Variants in THSD7B observed in about 807,000 individuals in gnomAD.
THSD7B encodes the protein thrombospondin type 1 domain containing 7B.
In THSD7B, 138 loss-of-function variants were observed where a neutral mutation model predicts 213.6. The ratio of observed to expected loss-of-function variants is 0.65; its 90% confidence interval spans 0.56 to 0.74. The LOEUF is 0.74. Among genes scored for constraint, THSD7B ranks in the 30% least tolerant of loss-of-function variants. THSD7B has a pLI of 0.00. For missense variants in THSD7B, 1,931 were observed against 1,991.5 expected (o/e 0.97, Z 0.58); for synonymous variants, 742 against 687.0 (o/e 1.08, Z -1.25).
In THSD7B at chr2:137,625,807, G is replaced by A. The variant is rs924044911; in HGVS notation, c.3799+5081G>A. 2.6e-5 allele frequency among the ~76,000 whole-genome samples: 4 copies of A among 152,192 alleles called. No individual in the cohort carries two copies. In the East Asian group the frequency reaches 5.8e-4, roughly 22 times the overall value. ...CCAGGGATCTACTAGGCTTTGCCACGGTGGAAACTCTGTGGCAGCTCCACT... is the reference window on the plus strand; with the variant it reads ...CCAGGGATCTACTAGGCTTTGCCACAGTGGAAACTCTGTGGCAGCTCCACT... On this transcript the variant is annotated intron_variant, in intron 20 of 27. Coordinates refer to ENST00000409968, the MANE Select transcript of THSD7B (RefSeq NM_001316349.2).
intron 7 of THSD7B, among the ~76,000 whole-genome samples, chr2:137,180,634 C>A (rs570900527): frequency 1.9e-4 from 29 of 152,174 alleles, no homozygotes; most frequent in African/African-American, 6.7e-4. Context: ...TCCAAATTTA[C>A]TGATGAGAAA....
chr2:136,875,454 A>C (rs1683511972), intron 1 of THSD7B, among the ~76,000 whole-genome samples: 1 of 151,418 alleles, frequency 6.6e-6, no homozygotes, highest in Non-Finnish European at 1.5e-5. Flanking sequence ...TCCATTCTGC[A>C]CTTTCCGTCA....
intron 21 of THSD7B, among the ~76,000 whole-genome samples, chr2:137,654,478 AG>A (rs1683197202): frequency 6.6e-6 from 1 of 152,222 alleles, no homozygotes; most frequent in African/African-American, 2.4e-5. Context: ...AGGCAGGGAC[AG>A]GCCTCCTGCC....
chr2:137,488,848 C>A (rs1688535009), intron 15 of THSD7B, among the ~76,000 whole-genome samples: 1 of 152,130 alleles, frequency 6.6e-6, no homozygotes, highest in Non-Finnish European at 1.5e-5. Flanking sequence ...GTAGGATGAG[C>A]CACAGAGAGA....
At chr2:137,581,235 GT>G (rs1343901604) in intron 17 of THSD7B, among the ~76,000 whole-genome samples, 1 of 152,072 alleles carries the variant, frequency 6.6e-6, no homozygotes, top group African/African-American at 2.4e-5. Flanking sequence ...TCATTTATAA[GT>G]ATGATAAAGC....
intron 1 of THSD7B, among the ~76,000 whole-genome samples, chr2:136,821,746 G>A (rs1477195972): frequency 6.6e-6 from 1 of 152,150 alleles, no homozygotes; most frequent in East Asian, 1.9e-4. Flanking sequence ...TAGGCAATGT[G>A]TGTGCTCTGC....
chr2:137,303,641 T>C (rs1391760533), intron 12 of THSD7B, among the ~76,000 whole-genome samples: 1 of 145,094 alleles, frequency 6.9e-6, no homozygotes, highest in East Asian at 2.0e-4. Flanking sequence ...TACAGACATA[T>C]ATAAACACAC....
chr2:137,318,756 C>T (rs1450209981), intron 12 of THSD7B, among the ~76,000 whole-genome samples: 1 of 132,130 alleles, frequency 7.6e-6, no homozygotes, highest in East Asian at 2.2e-4. Flanking sequence ...TGTCCTTCAG[C>T]TTTTCCAACT....
At chr2:137,247,777 C>T (rs1031683727) in intron 10 of THSD7B, among the ~76,000 whole-genome samples, 6 of 152,052 alleles carry the variant, frequency 3.9e-5, no homozygotes, top group African/African-American at 1.4e-4. Flanking sequence ...CAAAAACAGA[C>T]AGTGATTTTT....
chr2:136,898,805 G>C (rs2105009803), intron 2 of THSD7B, among the ~76,000 whole-genome samples: 1 of 152,028 alleles, frequency 6.6e-6, no homozygotes, highest in African/African-American at 2.4e-5. Context: ...ACCATGCCCA[G>C]CTAAGTTTTG....
At chr2:137,381,140 T>A (rs547647793) in intron 12 of THSD7B, among the ~76,000 whole-genome samples, 28 of 152,224 alleles carry the variant, frequency 1.8e-4, no homozygotes, top group Non-Finnish European at 3.7e-4. Flanking sequence ...TCCCCACCGA[T>A]TCTGGGTCAG....
chr2:137,443,712 G>C (rs556298038), intron 14 of THSD7B, among the ~76,000 whole-genome samples: 1 of 152,070 alleles, frequency 6.6e-6, no homozygotes, highest in African/African-American at 2.4e-5. Flanking sequence ...AGGTGATCTT[G>C]AATAGCTCAT....
rs573408784 is a variant in THSD7B at position 136,953,108 on chromosome 2, A to G, written c.139+70791A>G. ...TGTTATTGATCCAATAAAAAGTAAC[A>G]GAATATTTAAAAATAATAGAAAAGT... On this transcript the variant is annotated intron_variant, in intron 2 of 27. Transcript: ENST00000409968. Among the ~76,000 whole-genome samples the G allele has an allele frequency of 2.6e-5, 4 of 152,340 alleles. No individual in the cohort carries two copies. In the South Asian group the frequency reaches 8.3e-4, roughly 32 times the overall value.
intron 20 of THSD7B, among the ~76,000 whole-genome samples, chr2:137,631,143 T>C (rs758762190): frequency 2.4e-4 from 37 of 152,210 alleles, no homozygotes; most frequent in Non-Finnish European, 5.0e-4. Context: ...GATTTCAAGG[T>C]CAGAACAGTT....
intron 2 of THSD7B, among the ~76,000 whole-genome samples, chr2:136,885,601 C>T (rs1683704558): frequency 6.6e-6 from 1 of 152,134 alleles, no homozygotes; most frequent in African/African-American, 2.4e-5. Context: ...CTATTCATGC[C>T]TGCCTGCTTT....
intron 15 of THSD7B, among the ~76,000 whole-genome samples, chr2:137,521,153 TGAGA>T (rs1363594608): frequency 2.0e-5 from 3 of 152,148 alleles, no homozygotes; most frequent in African/African-American, 7.2e-5. Flanking sequence ...AATTTTTGGG[TGAGA>T]AAGAGCTGAT....
chr2:137,044,948 G>A (rs1686944105), intron 2 of THSD7B, among the ~76,000 whole-genome samples: 1 of 152,114 alleles, frequency 6.6e-6, no homozygotes, highest in African/African-American at 2.4e-5. Context: ...TTCCTTATGG[G>A]CTTAATGCTT....
rs190495187 is a variant in THSD7B at position 137,522,651 on chromosome 2, G to A, written c.3139-40570G>A. 7.2e-5 allele frequency among the ~76,000 whole-genome samples: 11 copies of A among 151,866 alleles called. No individual in the cohort carries two copies. The East Asian group carries it at 1.2e-3, about 16-fold the overall frequency. ...CTCCTCTTGCTCTGGACTTTCCTTT[G>A]CATTATTTTATTGACATTGTCATAA... On this transcript the variant is annotated intron_variant, in intron 15 of 27. Transcript: ENST00000409968.
At chr2:137,149,836 T>G (rs981189808) in intron 5 of THSD7B, among the ~76,000 whole-genome samples, 1 of 152,166 alleles carries the variant, frequency 6.6e-6, no homozygotes, top group Non-Finnish European at 1.5e-5. Flanking sequence ...GGCTTATAGG[T>G]GGAAGGGACA....
Sources: allele counts gnomAD v4.1 joint callset (sites outside exome capture counted in the v4.1 genomes callset), GRCh38; gene constraint gnomAD v4.1.1; transcripts MANE v1.5; gene names NCBI Gene and HGNC (gene_info 2026-07-23, HGNC 2026-07-21).